The following NOVA2 variants were observed in gnomAD, a reference collection of about 807,000 sequenced individuals.
The protein encoded by NOVA2 is NOVA alternative splicing regulator 2.
NOVA2 carries 9 observed loss-of-function variants against 22.5 expected under a neutral mutation model. The ratio of observed to expected loss-of-function variants is 0.40; its 90% CI spans 0.24 to 0.70. The LOEUF is 0.70. Among genes scored for constraint, NOVA2 ranks in the 30% least tolerant of loss-of-function variants. The pLI is 0.38. For missense variants in NOVA2, 383 were observed against 682.8 expected (o/e 0.56, Z 4.89); for synonymous variants, 318 against 335.2 (o/e 0.95, Z 0.56).
At chr19:45,957,630 G>A (rs1452546458) in intron 2 of NOVA2, among the ~76,000 whole-genome samples, 1 of 152,044 alleles carries the variant, frequency 6.6e-6, no homozygotes, top group Non-Finnish European at 1.5e-5. Flanking sequence ...CCTGAGCCCA[G>A]GAGGTTGAGG....
Position 45,940,244 on chromosome 19 carries a change from G to A in NOVA2, c.1098C>T (p.Leu366=), listed in dbSNP as rs1222074024. The change falls in exon 4 of 4, where the codon CTC becomes CTT. Residue 366 remains leucine (L), a synonymous_variant. Coordinates refer to ENST00000263257, the MANE Select transcript of NOVA2 (RefSeq NM_002516.4). ...FALAAAANGY[L]GAGAGGGAGG... ...CCGCCCCGCCGCCCGCCCCGGCCCC[G>A]AGGTAGCCGTTGGCGGCTGCGGCCA... is the stretch of plus-strand genomic sequence containing the variant. The A allele has an allele frequency of 1.8e-6, 2 of 1,088,402 alleles. No individual in the cohort carries two copies. Among genetic ancestry groups the A allele is most frequent in the Admixed American group, 5.3e-5 (1 of 18,912 alleles). The allele number at this position is 1,088,402 out of a possible 1,614,324, so 67.4% of individuals were successfully genotyped here.
chr19:45,952,042 T>C (rs531891349), intron 3 of NOVA2, among the ~76,000 whole-genome samples: 10 of 152,246 alleles, frequency 6.6e-5, no homozygotes, highest in African/African-American at 2.4e-4. Context: ...TAATTTATAA[T>C]CCCTGGTTTG....
intron 2 of NOVA2, among the ~76,000 whole-genome samples, chr19:45,960,200 G>GAGAGACAGACAAGC (rs61286034): frequency 0.12 from 17,516 of 151,586 alleles, 2,192 homozygotes; most frequent in East Asian, 0.3. Context: ...CACAGGAAGG[G>GAGAGACAGACAAGC]AGAGGCAGAA....
intron 3 of NOVA2, among the ~76,000 whole-genome samples, chr19:45,946,424 A>G (rs534911004): frequency 6.6e-6 from 1 of 152,382 alleles, no homozygotes; most frequent in South Asian, 2.1e-4. Context: ...TATAAAAGAT[A>G]TTTTAGGGCA....
intron 1 of NOVA2, chr19:45,967,558 A>T (rs1043715910): frequency 1.3e-5 from 2 of 152,184 alleles, no homozygotes; most frequent in Admixed American, 1.3e-4. Context: ...TCTCCTGACT[A>T]ATTTCCTGCT....
At chr19:45,947,322 A>G (rs1458680187) in intron 3 of NOVA2, among the ~76,000 whole-genome samples, 2 of 152,074 alleles carry the variant, frequency 1.3e-5, no homozygotes, top group Non-Finnish European at 2.9e-5. Context: ...CCCAAGCAGG[A>G]AGGCGAATGG....
At chr19:45,973,148 G>T in intron 1 of NOVA2, 119 bp downstream of exon 1, 1 of 281,278 alleles carries the variant, frequency 3.6e-6, no homozygotes. Context: ...CCCCGCCTCG[G>T]GGAGGGGTGT....
chr19:45,939,745 G>T lies in NOVA2; in HGVS notation c.*118C>A. On this transcript the variant is annotated 3_prime_UTR_variant, in exon 4 of 4. Transcript: ENST00000263257. ...GGAGGGTGCAGTCGGGCCTACCCCA[G>T]CCCCATCCCAAGAGGAGCAGGACTA... 7.4e-7 allele frequency: 1 copy of T among 1,355,120 alleles called. No individual in the cohort carries two copies. Among genetic ancestry groups the T allele is most frequent in the Non-Finnish European group, 1.0e-6 (1 of 984,196 alleles). The allele number at this position is 1,355,120 out of a possible 1,614,324, so 83.9% of individuals were successfully genotyped here.
At chr19:45,941,757 T>C (rs570422059) in intron 3 of NOVA2, among the ~76,000 whole-genome samples, 24 of 152,220 alleles carry the variant, frequency 1.6e-4, no homozygotes, top group African/African-American at 4.6e-4. Context: ...TTTAAAAAAA[T>C]TGAAATATAT....
rs574608278 is a variant in NOVA2 at position 45,972,922 on chromosome 19, G to C, written c.85+345C>G. Reference sequence around the variant, plus strand: ...TCCCCCAGCCAGGACACGCGAGCTCGGGGAACACCCCTGCTCCGAAAGGGT... The same window carrying C: ...TCCCCCAGCCAGGACACGCGAGCTCCGGGAACACCCCTGCTCCGAAAGGGT... On this transcript the variant is annotated intron_variant, in intron 1 of 3. Coordinates refer to ENST00000263257, the MANE Select transcript of NOVA2 (RefSeq NM_002516.4). Among the ~76,000 whole-genome samples, 7 of 151,986 alleles carry C rather than the reference G, an allele frequency of 4.6e-5. No individual in the cohort carries two copies. In the South Asian group the frequency reaches 1.2e-3, roughly 27 times the overall value.
intron 3 of NOVA2, among the ~76,000 whole-genome samples, chr19:45,944,005 G>A (rs973889046): frequency 6.6e-6 from 1 of 152,176 alleles, no homozygotes; most frequent in Non-Finnish European, 1.5e-5. Context: ...AGTAGCAACA[G>A]CATTTGTATT....
chr19:45,940,145 C>T lies in NOVA2; in HGVS notation c.1197G>A (p.Lys399=). ...GAAGGFLTAE[K]LAAESAKELV... is the part of the protein sequence containing the mutation. ...GCTCCTTGGCACTCTCAGCCGCCAG[C>T]TTCTCCGCCGTCAGGAAGCCCCCGG... Residue 399 remains lysine, a synonymous_variant, in exon 4 of 4, where the codon AAG becomes AAA. Transcript: ENST00000263257. 6.2e-7 allele frequency: 1 copy of T among 1,608,448 alleles called. No homozygotes were observed. Among genetic ancestry groups the T allele is most frequent in the Non-Finnish European group, 8.5e-7 (1 of 1,179,328 alleles).
intron 2 of NOVA2, among the ~76,000 whole-genome samples, chr19:45,955,759 G>A (rs1193675260): frequency 6.6e-6 from 1 of 152,002 alleles, no homozygotes; most frequent in Non-Finnish European, 1.5e-5. Context: ...ACGGGAGGCT[G>A]AGACAGGAGA....
intron 2 of NOVA2, among the ~76,000 whole-genome samples, chr19:45,954,855 GGTGT>G (rs10598680): frequency 0.16 from 23,662 of 144,456 alleles, 2,294 homozygotes; most frequent in African/African-American, 0.28. Flanking sequence ...GCTGGTGAGT[GGTGT>G]GTGTGTGTGT....
chr19:45,963,634 C>G (rs1968127969), intron 1 of NOVA2, among the ~76,000 whole-genome samples: 2 of 151,770 alleles, frequency 1.3e-5, no homozygotes, highest in African/African-American at 4.8e-5. Context: ...CCGATTCACG[C>G]CATTCTCCTG....
intron 1 of NOVA2, among the ~76,000 whole-genome samples, chr19:45,969,254 C>T (rs1467265568): frequency 1.3e-5 from 2 of 152,062 alleles, no homozygotes; most frequent in Non-Finnish European, 2.9e-5. Flanking sequence ...CCTGTAATCC[C>T]AGCACCTTGA....
In NOVA2 at chr19:45,953,891, C is replaced by G; in HGVS notation, c.285G>C (p.Val95=). ...VQGTAEALNA[V]HSFIAEKVRE... The stretch of plus-strand genomic sequence containing the variant: ...GGACCTTCTCGGCAATAAAGCTGTG[C>G]ACAGCATTCAAGGCCTCTGCCGTGC... Residue 95 remains valine, a synonymous_variant, in exon 3 of 4, where the codon GTG becomes GTC. Coordinates refer to ENST00000263257, the MANE Select transcript of NOVA2 (RefSeq NM_002516.4). The G allele has an allele frequency of 1.9e-6, 3 of 1,614,220 alleles. No homozygotes were observed. Among genetic ancestry groups the G allele is most frequent in the Admixed American group, 3.3e-5 (2 of 60,008 alleles).
At chr19:45,971,717 C>A (rs1257432128) in intron 1 of NOVA2, among the ~76,000 whole-genome samples, 5 of 152,104 alleles carry the variant, frequency 3.3e-5, no homozygotes, top group Non-Finnish European at 7.4e-5. Context: ...CCTCTCCCAT[C>A]CGGAGGAAAA....
chr19:45,946,640 A>G (rs948840349), intron 3 of NOVA2, among the ~76,000 whole-genome samples: 1 of 151,942 alleles, frequency 6.6e-6, no homozygotes, highest in East Asian at 1.9e-4. Context: ...TTGGGAGGCC[A>G]AGGCGGGCGG....
Sources: allele counts gnomAD v4.1 joint callset (sites outside exome capture counted in the v4.1 genomes callset), GRCh38; gene constraint gnomAD v4.1.1; transcripts MANE v1.5; gene names NCBI Gene and HGNC (gene_info 2026-07-23, HGNC 2026-07-21).